The following FRMD4A variants were observed in gnomAD, a reference collection of about 807,000 sequenced individuals.
FRMD4A encodes the protein FERM domain-containing protein 4A.
In FRMD4A, 29 loss-of-function variants were observed where a neutral mutation model predicts 129.1. The ratio of observed to expected loss-of-function variants is 0.22; its 90% CI spans 0.17 to 0.31. The LOEUF (loss-of-function observed/expected upper bound fraction) is 0.31. Among genes scored for constraint, FRMD4A ranks in the 10% least tolerant of loss-of-function variants. The pLI, the probability that FRMD4A is intolerant of heterozygous loss-of-function variation, is 1.00. For missense variants in FRMD4A, 1,272 were observed against 1,375.8 expected (o/e 0.92, Z 1.19); for synonymous variants, 634 against 571.6 (o/e 1.11, Z -1.56).
At chr10:14,129,407 TA>T (rs56914092) in intron 2 of FRMD4A, among the ~76,000 whole-genome samples, 33 of 112,340 alleles carry the variant, frequency 2.9e-4, no homozygotes, top group African/African-American at 7.5e-4. Context: ...TATATATATA[TA>T]AAAAATATGA....
chr10:14,222,789 C>G (rs1843304695), intron 2 of FRMD4A, among the ~76,000 whole-genome samples: 1 of 152,088 alleles, frequency 6.6e-6, no homozygotes, highest in Non-Finnish European at 1.5e-5. Context: ...GTGATTGCAA[C>G]AGGCTCTGTA....
chr10:14,240,865 AG>A (rs1463147488), intron 2 of FRMD4A, among the ~76,000 whole-genome samples: 1 of 152,134 alleles, frequency 6.6e-6, no homozygotes, highest in African/African-American at 2.4e-5. Flanking sequence ...GAAGGAAAAA[AG>A]TCCATTATTA....
intron 6 of FRMD4A, among the ~76,000 whole-genome samples, chr10:13,770,433 A>T: frequency 6.6e-6 from 1 of 152,068 alleles, no homozygotes; most frequent in Non-Finnish European, 1.5e-5. Context: ...ATTTTAAATA[A>T]TTTTTACTTT....
At chr10:14,330,547 G>A in intron 1 of FRMD4A, 50 bp downstream of exon 1, 1 of 407,094 alleles carries the variant, frequency 2.5e-6, no homozygotes, top group Non-Finnish European at 4.3e-6. Context: ...CCCTCTCTCT[G>A]CATCTCTCAG....
chr10:13,974,825 C>G (rs1047286679), intron 2 of FRMD4A, among the ~76,000 whole-genome samples: 1 of 152,160 alleles, frequency 6.6e-6, no homozygotes, highest in Non-Finnish European at 1.5e-5. Context: ...CTGCACCTGG[C>G]TCTGCCCTAG....
At chr10:14,080,384 T>G (rs138075596) in intron 2 of FRMD4A, among the ~76,000 whole-genome samples, 1 of 152,172 alleles carries the variant, frequency 6.6e-6, no homozygotes, top group African/African-American at 2.4e-5. Flanking sequence ...ACATTGGAAC[T>G]GGCTCCTGAA....
At chr10:13,989,154 C>T (rs1007136534) in intron 2 of FRMD4A, among the ~76,000 whole-genome samples, 1 of 152,042 alleles carries the variant, frequency 6.6e-6, no homozygotes, top group African/African-American at 2.4e-5. Context: ...TCTTCCAGCC[C>T]CCTAGTGGCA....
intron 2 of FRMD4A, among the ~76,000 whole-genome samples, chr10:13,894,931 A>G (rs1240555533): frequency 6.6e-6 from 1 of 152,208 alleles, no homozygotes; most frequent in Non-Finnish European, 1.5e-5. Context: ...CAAGTTTCTT[A>G]ACCTCTCTGT....
intron 15 of FRMD4A, among the ~76,000 whole-genome samples, chr10:13,682,723 T>C (rs2084722136): frequency 1.3e-5 from 2 of 152,056 alleles, no homozygotes; most frequent in African/African-American, 4.8e-5. Flanking sequence ...TTGGTCAGGT[T>C]GGTCTTGAAC....
intron 2 of FRMD4A, among the ~76,000 whole-genome samples, chr10:14,069,225 A>G (rs1835205243): frequency 6.6e-6 from 1 of 152,204 alleles, no homozygotes; most frequent in South Asian, 2.1e-4. Flanking sequence ...CCACTAATTC[A>G]TATGGTGATA....
At chr10:13,720,498 C>T (rs182611385) in intron 12 of FRMD4A, among the ~76,000 whole-genome samples, 6 of 152,084 alleles carry the variant, frequency 3.9e-5, no homozygotes, top group African/African-American at 9.6e-5. Flanking sequence ...GAGTAGCTAC[C>T]ATGGACCTGG....
At chr10:13,680,072 C>T (rs1189028575) in intron 15 of FRMD4A, among the ~76,000 whole-genome samples, 6 of 152,228 alleles carry the variant, frequency 3.9e-5, no homozygotes, top group Non-Finnish European at 7.3e-5. Flanking sequence ...GGTTCACTCT[C>T]ACTGCCTGCC....
At chr10:13,748,031 G>T (rs755305249) in intron 8 of FRMD4A, among the ~76,000 whole-genome samples, 8 of 152,168 alleles carry the variant, frequency 5.3e-5, no homozygotes, top group Non-Finnish European at 1.0e-4. Flanking sequence ...GCCTTTCACC[G>T]TGCAGAAAGC....
chr10:14,055,135 G>A (rs1441628173), intron 2 of FRMD4A, among the ~76,000 whole-genome samples: 1 of 151,948 alleles, frequency 6.6e-6, no homozygotes, highest in Non-Finnish European at 1.5e-5. Context: ...GTACTTCAGA[G>A]AAGATCCCAG....
chr10:14,183,706 T>A (rs1200434734), intron 2 of FRMD4A, among the ~76,000 whole-genome samples: 2 of 152,216 alleles, frequency 1.3e-5, no homozygotes, highest in African/African-American at 4.8e-5. Flanking sequence ...ATCTTAACCA[T>A]GGTATCTAAA....
intron 2 of FRMD4A, among the ~76,000 whole-genome samples, chr10:14,049,419 C>G (rs1349241891): frequency 6.6e-6 from 1 of 152,144 alleles, no homozygotes; most frequent in Admixed American, 6.5e-5. Context: ...CTTTAGGGAC[C>G]AGAGGTGGAC....
intron 24 of FRMD4A, among the ~76,000 whole-genome samples, chr10:13,650,564 G>A (rs1005930573): frequency 3.3e-5 from 5 of 152,224 alleles, no homozygotes; most frequent in South Asian, 2.1e-4. Context: ...CCCATACCGG[G>A]GGAGAAAAAG....
chr10:13,994,175 A>ATT (rs549621959), intron 2 of FRMD4A, among the ~76,000 whole-genome samples: 403 of 101,898 alleles, frequency 4.0e-3, no homozygotes, highest in Non-Finnish European at 5.4e-3. Context: ...CGCCCAGCTA[A>ATT]TTTTTTTTTT....
intron 4 of FRMD4A, among the ~76,000 whole-genome samples, chr10:13,808,648 G>A (rs1407650109): frequency 6.6e-6 from 1 of 152,184 alleles, no homozygotes; most frequent in Non-Finnish European, 1.5e-5. Flanking sequence ...AGCCTTGCAG[G>A]AGCCAGCTCT....
Sources: gnomAD v4.1 joint callset for allele counts (sites outside exome capture counted in the v4.1 genomes callset) on GRCh38, gnomAD v4.1.1 for gene constraint, MANE v1.5 for transcripts, NCBI Gene and HGNC (gene_info 2026-07-23, HGNC 2026-07-21) for gene names.